The following CCDC171 variants were observed in gnomAD, a reference collection of about 807,000 sequenced individuals.
The protein encoded by CCDC171 is coiled-coil domain-containing protein 171.
CCDC171 carries 177 observed loss-of-function variants against 168.2 expected under a neutral mutation model. That is an observed-to-expected ratio of 1.05 (90% CI 0.93 to 1.19). CCDC171 has a LOEUF of 1.19. CCDC171 is among the 50% of genes most tolerant of loss of function. The pLI is 0.00. For missense variants in CCDC171, 1,991 were observed against 1,539.0 expected, an observed-to-expected ratio of 1.29 and a Z score of -4.91; for synonymous variants, 687 against 540.8, an observed-to-expected ratio of 1.27 and a Z score of -3.75.
intron 10 of CCDC171, among the ~76,000 whole-genome samples, chr9:15,687,383 A>G (rs1587961361): frequency 6.6e-6 from 1 of 151,862 alleles, no homozygotes; most frequent in East Asian, 1.9e-4. Flanking sequence ...TTTGAGTCCA[A>G]GAGTTTGAGG....
chr9:15,930,777 A>T (rs925713442), intron 25 of CCDC171, among the ~76,000 whole-genome samples: 23 of 151,678 alleles, frequency 1.5e-4, no homozygotes, highest in African/African-American at 5.6e-4. Context: ...TGAATCAAAG[A>T]CCTATTTATA....
At chr9:15,665,188 G>A (rs890881272) in intron 8 of CCDC171, among the ~76,000 whole-genome samples, 4 of 151,976 alleles carry the variant, frequency 2.6e-5, no homozygotes, top group African/African-American at 9.7e-5. Flanking sequence ...GTGCAGTGGT[G>A]CAATCACAGC....
intron 6 of CCDC171, among the ~76,000 whole-genome samples, chr9:16,027,274 C>A (rs1341948427): frequency 6.6e-6 from 1 of 152,104 alleles, no homozygotes; most frequent in East Asian, 1.9e-4. Flanking sequence ...GTTTTCATTT[C>A]ATCATCTGAT....
Position 15,701,940 on chromosome 9 carries a change from A to G in CCDC171, c.1318+6603A>G, listed in dbSNP as rs148661145. Among the ~76,000 whole-genome samples, 1,014 of 152,322 alleles carry G rather than the reference A, an allele frequency of 6.7e-3. 18 individuals are homozygous for G. The highest frequency in any genetic ancestry group is 0.023 in the African/African-American group (957 of 41,562). ...TAATTTGCCCAGATCCATCAGAGGA[A>G]TCACCATCTATGGCAGCTATAGCCT... is the stretch of plus-strand genomic sequence containing the variant. On this transcript the variant is annotated intron_variant, in intron 11 of 25. Transcript: ENST00000380701.
chr9:15,728,731 G>A (rs952490285), intron 15 of CCDC171, among the ~76,000 whole-genome samples: 2 of 151,994 alleles, frequency 1.3e-5, no homozygotes, highest in Admixed American at 1.3e-4. Flanking sequence ...AGACACATTG[G>A]TTCTTATCCT....
Position 15,623,357 on chromosome 9 carries a change from A to C in CCDC171, c.766A>C (p.Thr256Pro). 6.2e-7 allele frequency: 1 copy of C among 1,612,512 alleles called. No individual in the cohort carries two copies. The highest frequency in any genetic ancestry group is 8.5e-7 in the Non-Finnish European group (1 of 1,179,080). Residue 256 changes from threonine to proline, a missense_variant, in exon 7 of 26, where the codon ACA (threonine) becomes CCA (proline). Physicochemically the swap from Thr to Pro is conservative, Grantham distance 38. Transcript: ENST00000380701. ...MDCSDLLRRQ[T>P]SELEFSTQRE... ...CTGCTCTGACCTTTTACGGCGACAA[A>C]CAAGTGAACTTGAATTTAGCACTCA...
Position 15,558,471 on chromosome 9 carries a change from T to C in CCDC171, c.-112+5169T>C, listed in dbSNP as rs527378658. Among the ~76,000 whole-genome samples, 6 of 152,308 alleles carry C rather than the reference T, an allele frequency of 3.9e-5. No individual in the cohort carries two copies. In the South Asian group the frequency reaches 1.0e-3, roughly 26 times the overall value. ...CCTGGTTTAGTCTTGGGTGGGTGTA[T>C]GTGTCCAGGAATTTATCCATTTCCT... On this transcript the variant is annotated intron_variant, in intron 1 of 25. Transcript: ENST00000380701.
chr9:15,992,498 G>C (rs898661907), intron 3 of CCDC171, among the ~76,000 whole-genome samples: 2 of 152,128 alleles, frequency 1.3e-5, no homozygotes, highest in Non-Finnish European at 2.9e-5. Context: ...TACTGAATGG[G>C]CAAAAACTGG....
chr9:15,623,475 G>GCGCGCGCGCA lies in CCDC171; in HGVS notation c.822+63_822+64insGCGCGCGCAC. The stretch of plus-strand genomic sequence containing the variant: ...CAAACTTTCACATATGCGCGCGCGC[G>GCGCGCGCGCA]CACACACACACACACACACACACAC... On this transcript the variant is annotated intron_variant, in intron 7 of 25. Coordinates refer to ENST00000380701, the MANE Select transcript of CCDC171 (RefSeq NM_173550.4). 4.1e-3 allele frequency: 1,284 copies of GCGCGCGCGCA among 315,314 alleles called. 4 individuals carry two copies. Among genetic ancestry groups the GCGCGCGCGCA allele is most frequent in the Non-Finnish European group, 4.9e-3 (849 of 172,546 alleles). 19.5% of individuals were successfully genotyped at this position (315,314 alleles called of 1,614,324 possible).
At chr9:15,733,016 T>C (rs1408735873) in intron 16 of CCDC171, among the ~76,000 whole-genome samples, 1 of 152,182 alleles carries the variant, frequency 6.6e-6, no homozygotes, top group Non-Finnish European at 1.5e-5. Context: ...ATAATAGGTG[T>C]GTAATGCCAT....
chr9:15,864,752 A>T (rs1472814403), intron 23 of CCDC171, among the ~76,000 whole-genome samples: 2 of 152,124 alleles, frequency 1.3e-5, no homozygotes, highest in Admixed American at 6.6e-5. Context: ...TACTTATTAG[A>T]TACTAACCAA....
chr9:16,087,055 C>T, the CCDC171 span, among the ~76,000 whole-genome samples: 2 of 152,124 alleles, frequency 1.3e-5, no homozygotes, highest in Admixed American at 1.3e-4. Context: ...TGAGTTTCTT[C>T]ATCCTGAGTT....
chr9:16,089,398 A>G, the CCDC171 span, among the ~76,000 whole-genome samples: 1 of 151,814 alleles, frequency 6.6e-6, no homozygotes, highest in African/African-American at 2.4e-5. Flanking sequence ...CCCATCTGTC[A>G]ATTTTGGCTT....
At chr9:15,769,074 T>G (rs1029599246) in intron 18 of CCDC171, among the ~76,000 whole-genome samples, 3 of 152,238 alleles carry the variant, frequency 2.0e-5, no homozygotes, top group African/African-American at 7.2e-5. Context: ...TCCAGACATA[T>G]GAGAAATAAC....
intron 6 of CCDC171, among the ~76,000 whole-genome samples, chr9:15,598,788 C>T (rs2131599760): frequency 6.6e-6 from 1 of 152,182 alleles, no homozygotes; most frequent in African/African-American, 2.4e-5. Context: ...GAGTCTAAGT[C>T]CTTTTGTAGG....
chr9:15,994,207 C>G (rs746271438), intron 3 of CCDC171, among the ~76,000 whole-genome samples: 1 of 152,174 alleles, frequency 6.6e-6, no homozygotes, highest in Non-Finnish European at 1.5e-5. Flanking sequence ...CAATGATAGA[C>G]TGGATTAAGA....
the CCDC171 span, among the ~76,000 whole-genome samples, chr9:16,107,538 A>ATG: frequency 6.6e-6 from 1 of 152,018 alleles, no homozygotes; most frequent in East Asian, 1.9e-4. Flanking sequence ...CTCTCTCTAA[A>ATG]TGTGTGTGTG....
At chr9:15,954,848 C>T (rs1384924794) in intron 25 of CCDC171, among the ~76,000 whole-genome samples, 1 of 152,038 alleles carries the variant, frequency 6.6e-6, no homozygotes, top group Non-Finnish European at 1.5e-5. Context: ...ATTTTCTTCA[C>T]ATCTTTCTTT....
chr9:15,632,082 C>G (rs1280112085), intron 7 of CCDC171, among the ~76,000 whole-genome samples: 1 of 152,092 alleles, frequency 6.6e-6, no homozygotes, highest in Non-Finnish European at 1.5e-5. Context: ...TGGGCAAAAA[C>G]TGGAAGCATT....
Sources: gnomAD v4.1 joint callset for allele counts (sites outside exome capture counted in the v4.1 genomes callset) on GRCh38, gnomAD v4.1.1 for gene constraint, MANE v1.5 for transcripts, NCBI Gene and HGNC (gene_info 2026-07-23, HGNC 2026-07-21) for gene names.